The following ADGRL3 variants were observed in gnomAD, a reference collection of about 807,000 sequenced individuals.
ADGRL3 encodes adhesion G protein-coupled receptor L3.
Under a neutral mutation model 153.5 loss-of-function variants are expected in ADGRL3, and 62 were observed. The ratio of observed to expected loss-of-function variants is 0.40; its 90% CI spans 0.33 to 0.50. The LOEUF (loss-of-function observed/expected upper bound fraction) is 0.50, where lower values mean the gene tolerates loss of function less well. Among genes scored for constraint, ADGRL3 ranks in the 20% least tolerant of loss-of-function variants. ADGRL3 has a pLI of 0.47. For synonymous variants in ADGRL3, 710 were observed against 672.5 expected (o/e 1.06, Z -0.86); for missense variants, 1,641 against 1,859.4 (o/e 0.88, Z 2.16).
At chr4:61,897,928 C>T (rs2098641213) in intron 11 of ADGRL3, among the ~76,000 whole-genome samples, 1 of 152,066 alleles carries the variant, frequency 6.6e-6, no homozygotes, top group African/African-American at 2.4e-5. Flanking sequence ...CAACCCCAGG[C>T]CTGTAGGGTA....
chr4:61,759,631 T>C (rs1044919508), intron 8 of ADGRL3, among the ~76,000 whole-genome samples: 1 of 151,022 alleles, frequency 6.6e-6, no homozygotes, highest in Non-Finnish European at 1.5e-5. Flanking sequence ...CTCCTTTAGC[T>C]CAGAGTAGTT....
At chr4:61,747,596 A>G (rs1580597994) in intron 8 of ADGRL3, among the ~76,000 whole-genome samples, 4 of 147,004 alleles carry the variant, frequency 2.7e-5, no homozygotes, top group African/African-American at 1.0e-4. Flanking sequence ...AACAGAACCA[A>G]AGACAAAAAC....
chr4:61,826,964 G>A (rs976689590), intron 9 of ADGRL3, among the ~76,000 whole-genome samples: 4 of 151,978 alleles, frequency 2.6e-5, no homozygotes, highest in South Asian at 2.1e-4. Context: ...TCTGTTCTCC[G>A]AAGATTCCGT....
At chr4:61,884,875 T>A (rs2098528853) in intron 9 of ADGRL3, among the ~76,000 whole-genome samples, 1 of 151,630 alleles carries the variant, frequency 6.6e-6, no homozygotes, top group South Asian at 2.1e-4. Context: ...TCCGCCCACC[T>A]CGGCCTCCCA....
At chr4:61,725,649 A>G (rs1321610500) in intron 6 of ADGRL3, among the ~76,000 whole-genome samples, 1 of 151,382 alleles carries the variant, frequency 6.6e-6, no homozygotes. Context: ...TCAGTTTTGT[A>G]TGCAAAATTT....
chr4:61,768,701 T>C (rs1169905757), intron 8 of ADGRL3, among the ~76,000 whole-genome samples: 2 of 147,950 alleles, frequency 1.4e-5, no homozygotes, highest in Non-Finnish European at 1.5e-5. Flanking sequence ...TTTAAGTTCT[T>C]AAGAATACAG....
intron 1 of ADGRL3, among the ~76,000 whole-genome samples, chr4:61,247,860 T>C (rs1371653412): frequency 6.6e-6 from 1 of 152,096 alleles, no homozygotes; most frequent in Non-Finnish European, 1.5e-5. Context: ...AATGATACCA[T>C]AACGATACTT....
At chr4:61,490,846 C>T (rs2098250198) in intron 2 of ADGRL3, among the ~76,000 whole-genome samples, 2 of 152,100 alleles carry the variant, frequency 1.3e-5, no homozygotes, top group Non-Finnish European at 2.9e-5. Flanking sequence ...TATTCACATG[C>T]ACTCTGTAAA....
chr4:61,236,549 CT>C (rs754803066), intron 1 of ADGRL3, among the ~76,000 whole-genome samples: 3 of 152,052 alleles, frequency 2.0e-5, no homozygotes, highest in Non-Finnish European at 4.4e-5. Context: ...GTCCCTCCCC[CT>C]GAATGTTATT....
chr4:61,401,265 T>G (rs1016605930), intron 2 of ADGRL3, among the ~76,000 whole-genome samples: 1 of 151,884 alleles, frequency 6.6e-6, no homozygotes, highest in Non-Finnish European at 1.5e-5. Flanking sequence ...GGTAGAATAC[T>G]GGATCTATTA....
chr4:61,440,939 T>A (rs991324876), intron 2 of ADGRL3, among the ~76,000 whole-genome samples: 1 of 152,208 alleles, frequency 6.6e-6, no homozygotes, highest in African/African-American at 2.4e-5. Flanking sequence ...GGTTAAATTA[T>A]TTGCCCAACA....
Position 61,498,320 on chromosome 4 carries a change from T to C in ADGRL3, c.55+972T>C, listed in dbSNP as rs1244488275. Among the ~76,000 whole-genome samples the C allele has an allele frequency of 4.6e-5, 7 of 151,882 alleles. No individual in the cohort carries two copies. In the East Asian group the frequency reaches 9.7e-4, roughly 21 times the overall value. ...AACCCCAGCACTTTAGGAGGCCGAG[T>C]TGGGCAGATCACAAGGTCAAGAGAT... On this transcript the variant is annotated intron_variant, in intron 3 of 26. Coordinates refer to ENST00000683033, the MANE Select transcript of ADGRL3 (RefSeq NM_001387552.1).
chr4:61,218,006 C>G (rs1362071410), intron 1 of ADGRL3, among the ~76,000 whole-genome samples: 1 of 152,156 alleles, frequency 6.6e-6, no homozygotes, highest in Non-Finnish European at 1.5e-5. Context: ...TAGACTTTGT[C>G]TTCTTTTCAC....
At chr4:61,886,669 T>G (rs1392186063) in intron 9 of ADGRL3, among the ~76,000 whole-genome samples, 1 of 150,642 alleles carries the variant, frequency 6.6e-6, no homozygotes, top group Admixed American at 6.6e-5. Context: ...TGTGACAGAG[T>G]CTCACTCTGT....
rs749772929 is a variant in ADGRL3, at chr4:61,979,758, C to A, written c.3001C>A (p.Arg1001=). The A allele has an allele frequency of 4.3e-6, 7 of 1,613,632 alleles. No homozygotes were observed. The highest frequency in any genetic ancestry group is 3.3e-5 in the Admixed American group (2 of 59,992). The stretch of plus-strand genomic sequence containing the variant: ...GCTGCTCTTCCTGATTGGGATCAAC[C>A]GAACTGACCAACCAGTAAGCAACCT... ...AELLFLIGIN[R]TDQPIACAVF... is the part of the protein sequence containing the mutation. The change falls in exon 18 of 27, where the codon CGA becomes AGA. Residue 1001 remains arginine (R), a synonymous_variant. Transcript: ENST00000683033.
intron 2 of ADGRL3, among the ~76,000 whole-genome samples, chr4:61,407,654 T>C (rs918465168): frequency 6.6e-6 from 1 of 152,082 alleles, no homozygotes; most frequent in Non-Finnish European, 1.5e-5. Flanking sequence ...GAAGAACAAC[T>C]TGAAGGGTTA....
intron 5 of ADGRL3, among the ~76,000 whole-genome samples, chr4:61,653,767 C>T (rs1052889704): frequency 1.3e-5 from 2 of 152,182 alleles, no homozygotes; most frequent in African/African-American, 4.8e-5. Context: ...ATTTGGATAT[C>T]ATTCACCTCT....
chr4:62,000,980 C>T (rs887139848), intron 21 of ADGRL3, among the ~76,000 whole-genome samples: 2 of 151,944 alleles, frequency 1.3e-5, no homozygotes, highest in African/African-American at 2.4e-5. Context: ...GATGGGCTTT[C>T]ACTATGTTAC....
chr4:61,384,584 C>G (rs779891100), intron 2 of ADGRL3, among the ~76,000 whole-genome samples: 11 of 151,868 alleles, frequency 7.2e-5, no homozygotes, highest in Middle Eastern at 3.2e-3. Context: ...ATAATTACTA[C>G]ATTGGTTTCT....
Sources: gnomAD v4.1 joint callset for allele counts (sites outside exome capture counted in the v4.1 genomes callset) on GRCh38, gnomAD v4.1.1 for gene constraint, MANE v1.5 for transcripts, NCBI Gene and HGNC (gene_info 2026-07-23, HGNC 2026-07-21) for gene names.